GABRA1: variants seen among roughly 807,000 people sequenced by gnomAD.
GABRA1 encodes gamma-aminobutyric acid type A receptor subunit alpha1.
GABRA1 carries 9 observed loss-of-function variants against 48.9 expected under a neutral mutation model. That is an observed-to-expected ratio of 0.18 (90% CI 0.11 to 0.32). GABRA1 has a LOEUF of 0.32. Among genes scored for constraint, GABRA1 ranks in the 10% least tolerant of loss-of-function variants. The probability of loss-of-function intolerance (pLI) is 1.00; values close to 1 mark genes in which losing one functional copy is unlikely to be tolerated. For synonymous variants in GABRA1, 210 were observed against 198.7 expected (o/e 1.06, Z -0.48); for missense variants, 285 against 553.8 (o/e 0.51, Z 4.87).
intron 9 of GABRA1, 63 bp from the exon 10 acceptor site, chr5:161,897,048 G>A: frequency 6.6e-7 from 1 of 1,517,306 alleles, no homozygotes; most frequent in Non-Finnish European, 9.1e-7. Flanking sequence ...ACCTTGCTCA[G>A]CAACTTATAA....
intron 4 of GABRA1, among the ~76,000 whole-genome samples, chr5:161,867,260 A>G (rs1479988902): frequency 6.6e-6 from 1 of 152,104 alleles, no homozygotes; most frequent in Non-Finnish European, 1.5e-5. Context: ...CTATTCTCTC[A>G]TGGTACTTTT....
chr5:161,864,244 G>A (rs1757968353), intron 3 of GABRA1, among the ~76,000 whole-genome samples: 1 of 151,742 alleles, frequency 6.6e-6, no homozygotes, highest in African/African-American at 2.4e-5. Flanking sequence ...GGGTACATGT[G>A]CGCATTGTGC....
intron 3 of GABRA1, among the ~76,000 whole-genome samples, chr5:161,858,906 A>G (rs1757749541): frequency 6.6e-6 from 1 of 151,788 alleles, no homozygotes; most frequent in South Asian, 2.1e-4. Flanking sequence ...CTCAAACCAC[A>G]TAGATAAAGA....
In GABRA1 at chr5:161,897,329, C is replaced by G; in HGVS notation, c.1278C>G (p.Ala426=). Residue 426 remains alanine, a synonymous_variant, in exon 10 of 10, where the codon GCC becomes GCG. Coordinates refer to ENST00000393943, the MANE Select transcript of GABRA1 (RefSeq NM_001127644.2). ...VSKIDRLSRI[A]FPLLFGIFNL... Reference sequence around the variant, plus strand: ...AAATTGACCGACTGTCAAGAATAGCCTTCCCGCTGCTATTTGGAATCTTTA... The same window carrying G: ...AAATTGACCGACTGTCAAGAATAGCGTTCCCGCTGCTATTTGGAATCTTTA... 2 of 1,614,074 alleles carry G rather than the reference C, an allele frequency of 1.2e-6. No individual in the cohort carries two copies. The highest frequency in any genetic ancestry group is 1.7e-6 in the Non-Finnish European group (2 of 1,179,954).
At chr5:161,853,008 A>G (rs1018992559) in intron 2 of GABRA1, among the ~76,000 whole-genome samples, 5 of 151,916 alleles carry the variant, frequency 3.3e-5, no homozygotes, top group Non-Finnish European at 7.4e-5. Flanking sequence ...TATTAAGTAG[A>G]AAATACAAAA....
chr5:161,881,437 T>G (rs1195400531), intron 6 of GABRA1, among the ~76,000 whole-genome samples: 1 of 152,142 alleles, frequency 6.6e-6, no homozygotes, highest in Non-Finnish European at 1.5e-5. Flanking sequence ...ATCAGAATTA[T>G]GACCTAACCT....
At chr5:161,848,066 G>A (rs1009085726), upstream of GABRA1, 7 of 152,312 alleles carry the variant, frequency 4.6e-5, no homozygotes, top group African/African-American at 1.7e-4. Flanking sequence ...CAGATCCAGA[G>A]GCTGGTACCA....
At position 161,898,873 on chromosome 5, in the gene GABRA1, T is replaced by C. The variant is rs1351923994; in HGVS notation, c.*1451T>C. ...AAAAGAATGTACAGAAAATAGCTTT[T>C]ATTGAGTAATATTACATTTCATTTA... is the stretch of plus-strand genomic sequence containing the variant. On this transcript the variant is annotated 3_prime_UTR_variant, in exon 10 of 10. Coordinates refer to ENST00000393943, the MANE Select transcript of GABRA1 (RefSeq NM_001127644.2). The C allele has an allele frequency of 1.3e-5, 2 of 152,586 alleles. No individual in the cohort carries two copies. Among genetic ancestry groups the C allele is most frequent in the Non-Finnish European group, 2.9e-5 (2 of 67,992 alleles). 9.5% of individuals were successfully genotyped at this position (152,586 alleles called of 1,614,324 possible). A position where few individuals can be genotyped will look rare whatever the true frequency, so the allele number is the denominator to read the frequency against.
chr5:161,882,803 A>G (rs970750727), intron 7 of GABRA1, 102 bp downstream of exon 7: 21 of 1,152,286 alleles, frequency 1.8e-5, no homozygotes, highest in Non-Finnish European at 2.7e-5. Context: ...GAGAGAGAAC[A>G]TTTCACTAAA....
At position 161,895,795 on chromosome 5, in the gene GABRA1, T is replaced by C. The variant is rs1286177898; in HGVS notation, c.986T>C (p.Ile329Thr). Residue 329 changes from isoleucine to threonine, a missense_variant, in exon 9 of 10, where the codon ATT (isoleucine) becomes ACT (threonine). Ile to Thr is a moderately conservative substitution (Grantham distance 89). This residue lies in a region of GABRA1 where 14 missense variants were observed against 113.8 expected (regional missense o/e 0.12). Coordinates refer to ENST00000393943, the MANE Select transcript of GABRA1 (RefSeq NM_001127644.2). ...VCYAFVFSAL[I>T]EFATVNYFTK... ...TATGCCTTTGTGTTCTCAGCTCTGATTGAGTTTGCCACAGTAAACTATTTC... is the reference window on the plus strand; with the variant it reads ...TATGCCTTTGTGTTCTCAGCTCTGACTGAGTTTGCCACAGTAAACTATTTC... 1.2e-6 allele frequency: 2 copies of C among 1,613,886 alleles called. No individual in the cohort carries two copies. Among genetic ancestry groups the C allele is most frequent in the African/African-American group, 1.3e-5 (1 of 74,902 alleles).
chr5:161,865,134 AC>A (rs1308721659), intron 3 of GABRA1, among the ~76,000 whole-genome samples: 2 of 152,096 alleles, frequency 1.3e-5, no homozygotes, highest in Non-Finnish European at 2.9e-5. Context: ...TATTAAGTGA[AC>A]TTTTTCTGTG....
At position 161,875,767 on chromosome 5, in the gene GABRA1, G is replaced by A. The variant is rs1277121102; in HGVS notation, c.559+125G>A. Reference sequence around the variant, plus strand: ...AATTTAAACAGCAATATACCACATGGACTTTCCATAAGTAGTGCTCTGTGA... The same window carrying A: ...AATTTAAACAGCAATATACCACATGAACTTTCCATAAGTAGTGCTCTGTGA... On this transcript the variant is annotated intron_variant, in intron 6 of 9. Transcript: ENST00000393943. The A allele has an allele frequency of 1.2e-5, 9 of 751,566 alleles. No individual in the cohort carries two copies. In the East Asian group the frequency reaches 2.1e-4, roughly 17 times the overall value. The allele number at this position is 751,566 out of a possible 1,614,324, so 46.6% of individuals were successfully genotyped here.
intron 6 of GABRA1, among the ~76,000 whole-genome samples, chr5:161,880,772 A>T (rs1754579755): frequency 6.6e-6 from 1 of 152,150 alleles, no homozygotes; most frequent in Non-Finnish European, 1.5e-5. Context: ...TGTTTTAGGG[A>T]CTGAAAGGCA....
Position 161,882,710 on chromosome 5 carries a change from G to A in GABRA1, c.703+9G>A, listed in dbSNP as rs768499906. On this transcript the variant is annotated intron_variant, in intron 7 of 9. Transcript: ENST00000393943. ...TGTCCAGTCAAGTACAGGTAAGTAC[G>A]ATTTTGTTACTTCAGTTATGGAGGA... 6.8e-6 allele frequency: 11 copies of A among 1,611,980 alleles called. No individual in the cohort carries two copies. The East Asian group carries it at 8.9e-5, about 13-fold the overall frequency.
intron 4 of GABRA1, among the ~76,000 whole-genome samples, chr5:161,867,228 G>A (rs192137324): frequency 4.2e-4 from 64 of 152,244 alleles, no homozygotes; most frequent in African/African-American, 1.3e-3. Flanking sequence ...ATTCTCTCAT[G>A]TTGGAACTCA....
intron 4 of GABRA1, among the ~76,000 whole-genome samples, chr5:161,872,639 C>A (rs1321950608): frequency 6.6e-6 from 1 of 152,094 alleles, no homozygotes; most frequent in Non-Finnish European, 1.5e-5. Context: ...ATATTGGAAT[C>A]ACAATTTACT....
intron 4 of GABRA1, among the ~76,000 whole-genome samples, chr5:161,867,623 T>C (rs776339324): frequency 2.6e-5 from 4 of 152,170 alleles, no homozygotes; most frequent in Admixed American, 2.6e-4. Flanking sequence ...CTATCAATAG[T>C]GCTCAATAAA....
chr5:161,897,317 G>C lies in GABRA1; in HGVS notation c.1266G>C (p.Leu422=), dbSNP rs753473056. 31 of 1,614,128 alleles carry C rather than the reference G, an allele frequency of 1.9e-5. No homozygotes were observed. Among genetic ancestry groups the C allele is most frequent in the Non-Finnish European group, 2.5e-5 (29 of 1,179,996 alleles). ...TFNSVSKIDR[L]SRIAFPLLFG... Reference sequence around the variant, plus strand: ...ACAGTGTCAGCAAAATTGACCGACTGTCAAGAATAGCCTTCCCGCTGCTAT... The same window carrying C: ...ACAGTGTCAGCAAAATTGACCGACTCTCAAGAATAGCCTTCCCGCTGCTAT... The change falls in exon 10 of 10, where the codon CTG becomes CTC. Residue 422 remains leucine, a synonymous_variant. Coordinates refer to ENST00000393943, the MANE Select transcript of GABRA1 (RefSeq NM_001127644.2).
At chr5:161,848,505 C>CGGGGGGGGGGGGGGGGGGG (rs35469580) in intron 1 of GABRA1, 83 bp downstream of exon 1, 1 of 30,702 alleles carries the variant, frequency 3.3e-5, no homozygotes, top group Non-Finnish European at 5.4e-5. Context: ...ATGTTATAGT[C>CGGGGGGGGGGGGGGGGGGG]GGGGGGGGGG....
Sources: gnomAD v4.1 joint callset for allele counts (sites outside exome capture counted in the v4.1 genomes callset) on GRCh38, gnomAD v4.1.1 for gene constraint, gnomAD v4.1.1 regional missense constraint, MANE v1.5 for transcripts, NCBI Gene and HGNC (gene_info 2026-07-23, HGNC 2026-07-21) for gene names.